Variants in SAMSN1 observed in about 807,000 individuals in gnomAD.
The protein encoded by SAMSN1 is SAM domain, SH3 domain and nuclear localization signals 1.
A neutral mutation model predicts 42.0 loss-of-function variants in SAMSN1; 31 were observed. The ratio of observed to expected loss-of-function variants is 0.74; its 90% confidence interval spans 0.55 to 1.00. SAMSN1 has a LOEUF of 1.00. SAMSN1 is among the 50% of genes least tolerant of loss of function. SAMSN1 has a pLI of 0.00. For missense variants in SAMSN1, 464 were observed against 439.4 expected (o/e 1.06, Z -0.50); for synonymous variants, 178 against 151.9 (o/e 1.17, Z -1.26).
chr21:14,646,308 T>A (rs1983711954), intron 1 of SAMSN1, among the ~76,000 whole-genome samples: 1 of 152,176 alleles, frequency 6.6e-6, no homozygotes, highest in Non-Finnish European at 1.5e-5. Context: ...AGCGCCTATA[T>A]GTCCGGCAAC....
chr21:14,527,999 A>G (rs1046193467), intron 1 of SAMSN1, among the ~76,000 whole-genome samples: 1 of 152,142 alleles, frequency 6.6e-6, no homozygotes, highest in Non-Finnish European at 1.5e-5. Flanking sequence ...TAATATTTTG[A>G]TATGTTTTAA....
chr21:14,651,825 C>T (rs456181), intron 1 of SAMSN1, among the ~76,000 whole-genome samples: 2 of 151,870 alleles, frequency 1.3e-5, no homozygotes, highest in African/African-American at 4.8e-5. Flanking sequence ...AATTTAGCAA[C>T]GTTGCAGGAT....
intron 5 of SAMSN1, among the ~76,000 whole-genome samples, chr21:14,603,766 A>C (rs1450158890): frequency 6.6e-6 from 1 of 152,196 alleles, no homozygotes; most frequent in Non-Finnish European, 1.5e-5. Context: ...ATATATAACT[A>C]AATGAAGTTA....
intron 1 of SAMSN1, among the ~76,000 whole-genome samples, chr21:14,654,226 A>G (rs927399753): frequency 2.6e-5 from 4 of 152,004 alleles, no homozygotes; most frequent in Non-Finnish European, 4.4e-5. Flanking sequence ...ATTAACATAT[A>G]AGTAAAGTGA....
At chr21:14,572,619 G>C (rs1479402566) in intron 2 of SAMSN1, among the ~76,000 whole-genome samples, 1 of 152,188 alleles carries the variant, frequency 6.6e-6, no homozygotes, top group African/African-American at 2.4e-5. Flanking sequence ...TAAAATGGCA[G>C]TAATGCTTTG....
At chr21:14,581,337 A>ATTTTTT in intron 2 of SAMSN1, among the ~76,000 whole-genome samples, 1 of 53,832 alleles carries the variant, frequency 1.9e-5, no homozygotes, top group Admixed American at 2.3e-4. Flanking sequence ...GAGGGGAAAT[A>ATTTTTT]ATATTTCTTT....
intron 7 of SAMSN1, among the ~76,000 whole-genome samples, chr21:14,488,232 T>G (rs1476729511): frequency 6.6e-6 from 1 of 152,180 alleles, no homozygotes; most frequent in African/African-American, 2.4e-5. Context: ...TCATAATGAT[T>G]GTGGGGATAA....
intron 4 of SAMSN1, among the ~76,000 whole-genome samples, chr21:14,511,978 C>A (rs1987704983): frequency 6.6e-6 from 1 of 150,860 alleles, no homozygotes. Context: ...TTTCAGAGTA[C>A]TTCAGGAAAA....
At chr21:14,500,813 A>C (rs1987121839) in intron 5 of SAMSN1, 78 bp from the exon 6 acceptor site, 1 of 1,100,188 alleles carries the variant, frequency 9.1e-7, no homozygotes, top group Non-Finnish European at 1.4e-6. Context: ...AGAAAACTAG[A>C]ATAATGAGGA....
intron 5 of SAMSN1, among the ~76,000 whole-genome samples, chr21:14,506,165 C>G (rs1307043931): frequency 2.0e-5 from 3 of 151,786 alleles, no homozygotes; most frequent in African/African-American, 7.3e-5. Flanking sequence ...CCTCAAGGAA[C>G]TAGAGAAACA....
intron 2 of SAMSN1, among the ~76,000 whole-genome samples, chr21:14,618,650 CTGTGTATGTGTG>C (rs1321836262): frequency 2.8e-4 from 30 of 107,750 alleles, no homozygotes; most frequent in African/African-American, 3.7e-4. Context: ...AGAACCACAG[CTGTGTATGTGTG>C]TGTGTGTGTG....
At chr21:14,521,734 G>A (rs1357533798) in intron 1 of SAMSN1, among the ~76,000 whole-genome samples, 16 of 152,092 alleles carry the variant, frequency 1.1e-4, no homozygotes, top group Non-Finnish European at 1.5e-5. Context: ...GAGACGGAGA[G>A]CATCAGGAAA....
rs553452354 is a variant in SAMSN1 at position 14,624,953 on chromosome 21, G to T, written c.157-8937C>A. Among the ~76,000 whole-genome samples, 31 of 152,174 alleles carry T rather than the reference G, an allele frequency of 2.0e-4. No individual in the cohort carries two copies. The South Asian group carries it at 6.2e-3, about 31-fold the overall frequency. On this transcript the variant is annotated intron_variant, in intron 2 of 15. Coordinates refer to the SAMSN1 transcript ENST00000647101. ...CATGATCAAGTGGGCTTTGTCCCTGGGATGCAAGGCTGGTTCAACATACAT... is the reference window on the plus strand; with the variant it reads ...CATGATCAAGTGGGCTTTGTCCCTGTGATGCAAGGCTGGTTCAACATACAT...
At chr21:14,532,037 T>C (rs1979299511) in intron 1 of SAMSN1, among the ~76,000 whole-genome samples, 1 of 152,104 alleles carries the variant, frequency 6.6e-6, no homozygotes, top group Non-Finnish European at 1.5e-5. Context: ...GTCTGATGCA[T>C]GATTTTGGGC....
chr21:14,546,279 C>T lies in SAMSN1; in HGVS notation c.-18G>A. On this transcript the variant is annotated 5_prime_UTR_variant, in exon 1 of 8. Coordinates refer to ENST00000400566, the MANE Select transcript of SAMSN1 (RefSeq NM_022136.5). ...TTGAGCATTTTGAATTCTGACTACT[C>T]CTAGTGAGTGCACTTTCTGCTGTTA... 6.2e-7 allele frequency: 1 copy of T among 1,612,938 alleles called. No homozygotes were observed. The highest frequency in any genetic ancestry group is 8.5e-7 in the Non-Finnish European group (1 of 1,179,450).
chr21:14,627,932 C>T (rs989378159), intron 2 of SAMSN1, among the ~76,000 whole-genome samples: 1 of 152,068 alleles, frequency 6.6e-6, no homozygotes, highest in African/African-American at 2.4e-5. Context: ...GAGACTTCTC[C>T]CTTGTCTGGG....
At chr21:14,562,579 T>A (rs1484788833) in intron 2 of SAMSN1, among the ~76,000 whole-genome samples, 1 of 150,694 alleles carries the variant, frequency 6.6e-6, no homozygotes, top group Non-Finnish European at 1.5e-5. Flanking sequence ...ATATGGACTC[T>A]TAAAATGATT....
chr21:14,563,770 C>A (rs772376724), intron 2 of SAMSN1, among the ~76,000 whole-genome samples: 6 of 152,218 alleles, frequency 3.9e-5, no homozygotes, highest in Admixed American at 1.3e-4. Context: ...TCTTACCCTG[C>A]AAATCAAATG....
Position 14,577,272 on chromosome 21 carries a change from ATATATATATATATTT to A in SAMSN1, c.261+4849_261+4863del, listed in dbSNP as rs1340665059. ...TATATATATATATATATATATATAT[ATATATATATATATTT>A]TTTTTTTAGAAGAGACAGGGTTTTA... is the stretch of plus-strand genomic sequence containing the variant. On this transcript the variant is annotated intron_variant, in intron 2 of 8. Coordinates refer to the SAMSN1 transcript ENST00000285670. Among the ~76,000 whole-genome samples, 67 of 49,602 alleles carry A rather than the reference ATATATATATATATTT, an allele frequency of 1.4e-3. 4 individuals carry two copies. The highest frequency in any genetic ancestry group is 2.1e-3 in the Non-Finnish European group (60 of 28,000). The allele number at this position is 49,602 out of a possible 152,430, so 32.5% of individuals were successfully genotyped here.
Sources: allele counts gnomAD v4.1 joint callset (sites outside exome capture counted in the v4.1 genomes callset), GRCh38; gene constraint gnomAD v4.1.1; transcripts MANE v1.5; gene names NCBI Gene and HGNC (gene_info 2026-07-23, HGNC 2026-07-21).